GRID2: variants seen among roughly 807,000 people sequenced by gnomAD.
GRID2 encodes glutamate receptor ionotropic, delta-2.
Under a neutral mutation model 114.8 loss-of-function variants are expected in GRID2, and 33 were observed. That is an observed-to-expected ratio of 0.29 (90% CI 0.22 to 0.38). GRID2 has a LOEUF of 0.38. GRID2 is among the 10% of genes least tolerant of loss of function. The probability of loss-of-function intolerance (pLI) is 1.00; values close to 1 mark genes in which losing one functional copy is unlikely to be tolerated. For synonymous variants in GRID2, 505 were observed against 449.9 expected (o/e 1.12, Z -1.55); for missense variants, 1,184 against 1,257.7 (o/e 0.94, Z 0.89).
intron 2 of GRID2, among the ~76,000 whole-genome samples, chr4:92,646,706 T>C (rs1023101323): frequency 1.1e-4 from 17 of 152,226 alleles, no homozygotes; most frequent in Non-Finnish European, 2.5e-4. Context: ...CAAAAACTAT[T>C]TTCATGGTGT....
Position 93,585,613 on chromosome 4 carries a change from A to G in GRID2, c.2194-40656A>G, listed in dbSNP as rs563613420. Among the ~76,000 whole-genome samples the G allele has an allele frequency of 4.6e-5, 7 of 152,104 alleles. No individual in the cohort carries two copies. In the South Asian group the frequency reaches 8.3e-4, roughly 18 times the overall value. On this transcript the variant is annotated intron_variant, in intron 13 of 15. Transcript: ENST00000282020. ...ATTTGTGCAAAGCATTAATCATTTC[A>G]TTATTCTTCCACCCCAGCTTCTCCA...
intron 4 of GRID2, among the ~76,000 whole-genome samples, chr4:93,166,329 A>T (rs889253653): frequency 2.6e-4 from 39 of 152,156 alleles, no homozygotes; most frequent in Non-Finnish European, 8.8e-5. Context: ...AGTTATAGCC[A>T]CTGGTCTGCT....
At chr4:92,744,026 G>A (rs775039355) in intron 2 of GRID2, among the ~76,000 whole-genome samples, 2 of 151,534 alleles carry the variant, frequency 1.3e-5, no homozygotes, top group Non-Finnish European at 2.9e-5. Flanking sequence ...CTTATCTCAT[G>A]CTTGTTTTTA....
chr4:92,633,854 TCTA>T (rs1730928825), intron 2 of GRID2, among the ~76,000 whole-genome samples: 1 of 151,592 alleles, frequency 6.6e-6, no homozygotes, highest in African/African-American at 2.4e-5. Flanking sequence ...TCAACTGCAT[TCTA>T]CTATTTTTTT....
At chr4:92,943,325 C>A (rs1282422772) in intron 2 of GRID2, among the ~76,000 whole-genome samples, 1 of 151,828 alleles carries the variant, frequency 6.6e-6, no homozygotes, top group Non-Finnish European at 1.5e-5. Context: ...TCATTTCATT[C>A]ATTTCATCTT....
chr4:93,742,281 A>G (rs1731487620), intron 14 of GRID2, among the ~76,000 whole-genome samples: 1 of 152,192 alleles, frequency 6.6e-6, no homozygotes, highest in Non-Finnish European at 1.5e-5. Context: ...CCAGACTACA[A>G]GCTTTGTCCT....
intron 2 of GRID2, among the ~76,000 whole-genome samples, chr4:92,770,078 G>A (rs1405964760): frequency 1.3e-5 from 2 of 152,236 alleles, no homozygotes; most frequent in African/African-American, 4.8e-5. Context: ...GCTTTTAACA[G>A]CACTCAAGTC....
chr4:93,490,239 C>T (rs546510358), intron 11 of GRID2, among the ~76,000 whole-genome samples: 65 of 151,688 alleles, frequency 4.3e-4, no homozygotes, highest in Non-Finnish European at 6.2e-4. Context: ...ATAATCCTTT[C>T]AATATTATTT....
intron 9 of GRID2, among the ~76,000 whole-genome samples, chr4:93,402,871 ACGT>A (rs1269759558): frequency 6.6e-6 from 1 of 152,150 alleles, no homozygotes; most frequent in African/African-American, 2.4e-5. Context: ...TAGTTCTGAA[ACGT>A]CATTGTCCTT....
chr4:92,397,193 A>G (rs958627212), intron 1 of GRID2, among the ~76,000 whole-genome samples: 3 of 152,106 alleles, frequency 2.0e-5, no homozygotes, highest in Non-Finnish European at 2.9e-5. Flanking sequence ...GAGAAGGATA[A>G]TTTATTCCAC....
At chr4:92,393,144 TTTA>T (rs1454327777) in intron 1 of GRID2, among the ~76,000 whole-genome samples, 8 of 152,176 alleles carry the variant, frequency 5.3e-5, no homozygotes, top group African/African-American at 1.9e-4. Context: ...TGCCACACAC[TTTA>T]AAATGACTAG....
chr4:93,145,471 A>ATT lies in GRID2; in HGVS notation c.735+34526_735+34527dup, dbSNP rs1212438910. 7.3e-3 allele frequency among the ~76,000 whole-genome samples: 1,059 copies of ATT among 144,786 alleles called. 18 individuals are homozygous for ATT. The highest frequency in any genetic ancestry group is 0.025 in the African/African-American group (1,003 of 39,348). 95.0% of individuals were successfully genotyped at this position (144,786 alleles called of 152,430 possible). On this transcript the variant is annotated intron_variant, in intron 4 of 15. Coordinates refer to ENST00000282020, the MANE Select transcript of GRID2 (RefSeq NM_001510.4). ...TGTATTTGTATTTATTTATTTATTTATTTTTTTTTGAGACAGTTTCACTCT... is the reference window on the plus strand; with the variant it reads ...TGTATTTGTATTTATTTATTTATTTATTTTTTTTTTTGAGACAGTTTCACTCT...
intron 2 of GRID2, among the ~76,000 whole-genome samples, chr4:92,769,645 C>T (rs1481770059): frequency 6.6e-6 from 1 of 152,200 alleles, no homozygotes; most frequent in Non-Finnish European, 1.5e-5. Context: ...CAAGTCTTGA[C>T]TTCTGTGCAC....
chr4:93,693,114 T>G (rs1249579692), intron 14 of GRID2, among the ~76,000 whole-genome samples: 1 of 152,200 alleles, frequency 6.6e-6, no homozygotes, highest in Non-Finnish European at 1.5e-5. Context: ...ATTTCTTTTA[T>G]CTATTTGCTA....
chr4:93,653,302 T>C (rs1424500291), intron 14 of GRID2, among the ~76,000 whole-genome samples: 1 of 152,192 alleles, frequency 6.6e-6, no homozygotes, highest in East Asian at 1.9e-4. Flanking sequence ...ATAATAGCCA[T>C]ATTTGTAAGA....
chr4:93,462,809 C>T (rs1723873675), intron 11 of GRID2, among the ~76,000 whole-genome samples: 1 of 152,108 alleles, frequency 6.6e-6, no homozygotes. Flanking sequence ...AATGCAGTAG[C>T]TAAAGCCATT....
At chr4:93,297,121 A>C (rs1186858166) in intron 8 of GRID2, among the ~76,000 whole-genome samples, 1 of 152,196 alleles carries the variant, frequency 6.6e-6, no homozygotes, top group East Asian at 1.9e-4. Context: ...GATAGAAAAA[A>C]GTCTTACTTT....
intron 2 of GRID2, among the ~76,000 whole-genome samples, chr4:92,740,669 C>T (rs1192955954): frequency 7.8e-6 from 1 of 128,664 alleles, no homozygotes; most frequent in East Asian, 2.8e-4. Context: ...CATGTTTATT[C>T]TGCATAGATA....
At chr4:92,930,001 A>T (rs1001024256) in intron 2 of GRID2, among the ~76,000 whole-genome samples, 1 of 151,338 alleles carries the variant, frequency 6.6e-6, no homozygotes. Flanking sequence ...TGGTGAAAAT[A>T]TGGGAAACTC....
Sources: gnomAD v4.1 joint callset for allele counts (sites outside exome capture counted in the v4.1 genomes callset) on GRCh38, gnomAD v4.1.1 for gene constraint, MANE v1.5 for transcripts, NCBI Gene and HGNC (gene_info 2026-07-23, HGNC 2026-07-21) for gene names.